KIRREL3: variants seen among roughly 807,000 people sequenced by gnomAD.
The protein encoded by KIRREL3 is kin of IRRE-like protein 3.
In KIRREL3, 36 loss-of-function variants were observed where a neutral mutation model predicts 89.7. The observed-to-expected ratio is 0.40, with a 90% CI of 0.31 to 0.53. The LOEUF is 0.53. Ranked by LOEUF, KIRREL3 falls within the 20% of genes least tolerant of loss-of-function variation. The pLI, the probability that KIRREL3 is intolerant of heterozygous loss-of-function variation, is 0.49. For synonymous variants in KIRREL3, 445 were observed against 441.4 expected (o/e 1.01, Z -0.10); for missense variants, 864 against 1,056.6 (o/e 0.82, Z 2.53).
At position 126,699,683 on chromosome 11, in the gene KIRREL3, C is replaced by T. The variant is rs537957365; in HGVS notation, c.56-136771G>A. Among the ~76,000 whole-genome samples the T allele has an allele frequency of 1.1e-3, 174 of 152,216 alleles. 3 individuals carry two copies. In the South Asian group the frequency reaches 0.026, roughly 23 times the overall value. On this transcript the variant is annotated intron_variant, in intron 1 of 16. Coordinates refer to ENST00000525144, the MANE Select transcript of KIRREL3 (RefSeq NM_032531.4). ...GTTTGAGCTGGCCATGCTTCAAATG[C>T]TCACTGCCACATGTGGCTAGTGATG...
rs1044104521 is a variant in KIRREL3, at chr11:126,965,182, A to G, written c.55+35273T>C. ...CTGGGGATGAGCAAAGGTCTACAGA[A>G]CAGTGTCTTAATTAACATTCCTGGT... On this transcript the variant is annotated intron_variant, in intron 1 of 16. Coordinates refer to ENST00000525144, the MANE Select transcript of KIRREL3 (RefSeq NM_032531.4). This position sits in a 1 kb window ranked among gnomAD's most constrained non-coding sequence, Gnocchi z 4.4. 6.6e-6 allele frequency among the ~76,000 whole-genome samples: 1 copy of G among 152,210 alleles called. No individual in the cohort carries two copies. The highest frequency in any genetic ancestry group is 2.4e-5 in the African/African-American group (1 of 41,464).
chr11:126,649,295 A>G (rs894782564), intron 1 of KIRREL3, among the ~76,000 whole-genome samples: 1 of 152,090 alleles, frequency 6.6e-6, no homozygotes, highest in Admixed American at 6.5e-5. Flanking sequence ...AGGTTCTCAT[A>G]TTTCAAAACC....
At chr11:126,662,042 G>A (rs1336253634) in intron 1 of KIRREL3, among the ~76,000 whole-genome samples, 2 of 152,094 alleles carry the variant, frequency 1.3e-5, no homozygotes, top group African/African-American at 4.8e-5. Flanking sequence ...GAGCCAAAAC[G>A]CCCATTGAGA....
Position 126,463,314 on chromosome 11 carries a change from A to G in KIRREL3, c.592-7T>C, listed in dbSNP as rs769138514. 1.2e-6 allele frequency: 2 copies of G among 1,611,324 alleles called. No individual in the cohort carries two copies. Among genetic ancestry groups the G allele is most frequent in the African/African-American group, 2.7e-5 (2 of 74,966 alleles). ...TGCCGTCCCGAAGCAGGGTCTTGGG[A>G]GAAAGGGAAAGGGGAGAGAAAGCTC... On this transcript the variant is annotated splice_region_variant and splice_polypyrimidine_tract_variant and intron_variant, in intron 5 of 16. Coordinates refer to ENST00000525144, the MANE Select transcript of KIRREL3 (RefSeq NM_032531.4). This position sits in a 1 kb window ranked among gnomAD's most constrained non-coding sequence, Gnocchi z 5.9.
rs1949823615 is a variant in KIRREL3, at chr11:126,985,091, A to G, written c.55+15364T>C. Reference sequence around the variant, plus strand: ...CTATACACATGCAAGGAAGGATTAAATTATTATCACCTTTTCCCCAAGGAG... The same window carrying G: ...CTATACACATGCAAGGAAGGATTAAGTTATTATCACCTTTTCCCCAAGGAG... On this transcript the variant is annotated intron_variant, in intron 1 of 16. Coordinates refer to ENST00000525144, the MANE Select transcript of KIRREL3 (RefSeq NM_032531.4). This position sits in a 1 kb window ranked among gnomAD's most constrained non-coding sequence, Gnocchi z 5.3. Among the ~76,000 whole-genome samples the G allele has an allele frequency of 6.6e-6, 1 of 152,190 alleles. No homozygotes were observed. Among genetic ancestry groups the G allele is most frequent in the Non-Finnish European group, 1.5e-5 (1 of 68,036 alleles).
chr11:126,958,403 G>C (rs1271692232), intron 1 of KIRREL3, among the ~76,000 whole-genome samples: 2 of 152,182 alleles, frequency 1.3e-5, no homozygotes, highest in African/African-American at 4.8e-5. Flanking sequence ...GCCCAGGGGG[G>C]CCCTTTCTCA....
At chr11:126,634,834 C>T (rs1427243) in intron 1 of KIRREL3, among the ~76,000 whole-genome samples, 30,385 of 152,074 alleles carry the variant, frequency 0.2, 3,177 homozygotes, top group East Asian at 0.4. Flanking sequence ...TGCGCCCTCT[C>T]GGAGGCCCTT....
At position 126,508,028 on chromosome 11, in the gene KIRREL3, G is replaced by C. The variant is rs557305737; in HGVS notation, c.433+13287C>G. Among the ~76,000 whole-genome samples, 1 of 152,314 alleles carries C rather than the reference G, an allele frequency of 6.6e-6. No individual in the cohort carries two copies. Among genetic ancestry groups the C allele is most frequent in the Non-Finnish European group, 1.5e-5 (1 of 68,018 alleles). On this transcript the variant is annotated intron_variant, in intron 4 of 16. Transcript: ENST00000525144. This position sits in a 1 kb window ranked among gnomAD's most constrained non-coding sequence, Gnocchi z 4.9. ...GAAGGGAGCAGTGGGATTGGGGGTAGGGCAGAGATAGTCCTTCCTGGGGGG... is the reference window on the plus strand; with the variant it reads ...GAAGGGAGCAGTGGGATTGGGGGTACGGCAGAGATAGTCCTTCCTGGGGGG...
At position 126,576,443 on chromosome 11, in the gene KIRREL3, C is replaced by T. The variant is rs1941259608; in HGVS notation, c.56-13531G>A. On this transcript the variant is annotated intron_variant, in intron 1 of 16. Transcript: ENST00000525144. The surrounding 1 kb of genome is among the most constrained non-coding windows in gnomAD (Gnocchi z 5.4). ...GTTATGGATATTGTGATGAACAAGA[C>T]AGAGAAGAATTTTTGCCTTCCCAAG... Among the ~76,000 whole-genome samples the T allele has an allele frequency of 6.6e-6, 1 of 152,214 alleles. No homozygotes were observed. The highest frequency in any genetic ancestry group is 6.5e-5 in the Admixed American group (1 of 15,278).
intron 1 of KIRREL3, among the ~76,000 whole-genome samples, chr11:126,671,235 CTTTTT>C (rs141912968): frequency 7.3e-6 from 1 of 136,340 alleles, no homozygotes; most frequent in Non-Finnish European, 1.6e-5. Flanking sequence ...AGTTTTTCTC[CTTTTT>C]TTTTTTTTTT....
intron 1 of KIRREL3, among the ~76,000 whole-genome samples, chr11:126,657,042 T>G (rs1286100542): frequency 1.3e-4 from 19 of 151,122 alleles, no homozygotes; most frequent in Non-Finnish European, 1.5e-5. Context: ...GGCAATGGAG[T>G]GAGACTGTGT....
Position 126,610,224 on chromosome 11 carries a change from G to T in KIRREL3, c.56-47312C>A, listed in dbSNP as rs1450935284. On this transcript the variant is annotated intron_variant, in intron 1 of 16. Coordinates refer to ENST00000525144, the MANE Select transcript of KIRREL3 (RefSeq NM_032531.4). The surrounding 1 kb of genome is among the most constrained non-coding windows in gnomAD (Gnocchi z 4.6). Reference sequence around the variant, plus strand: ...TCCTGCCTCAGCCTGCCGAGTGGCTGGGATTACAGGCATGCACCACCACGC... The same window carrying T: ...TCCTGCCTCAGCCTGCCGAGTGGCTTGGATTACAGGCATGCACCACCACGC... 6.6e-6 allele frequency among the ~76,000 whole-genome samples: 1 copy of T among 152,094 alleles called. No individual in the cohort carries two copies. The highest frequency in any genetic ancestry group is 6.6e-5 in the Admixed American group (1 of 15,258).
intron 5 of KIRREL3, among the ~76,000 whole-genome samples, chr11:126,468,586 G>A (rs546186916): frequency 6.6e-6 from 1 of 152,368 alleles, no homozygotes; most frequent in South Asian, 2.1e-4. Context: ...GTCCCATGGT[G>A]GAGTCACAGA....
At chr11:126,600,966 C>G (rs935739870) in intron 1 of KIRREL3, among the ~76,000 whole-genome samples, 2 of 152,184 alleles carry the variant, frequency 1.3e-5, no homozygotes, top group African/African-American at 4.8e-5. Flanking sequence ...TCTCTCACCC[C>G]TCCACGGATC....
At chr11:126,445,978 G>C (rs4313595) in intron 9 of KIRREL3, among the ~76,000 whole-genome samples, 39,752 of 151,896 alleles carry the variant, frequency 0.26, 5,441 homozygotes, top group Middle Eastern at 0.28. Flanking sequence ...GAGAAACCCT[G>C]TCTCTACTAA....
chr11:126,487,933 G>A (rs1957410587), intron 4 of KIRREL3, among the ~76,000 whole-genome samples: 1 of 152,258 alleles, frequency 6.6e-6, no homozygotes, highest in African/African-American at 2.4e-5. Flanking sequence ...TAGCACCGCA[G>A]CTTCCACTAC....
chr11:126,767,013 G>T (rs1356137935), intron 1 of KIRREL3, among the ~76,000 whole-genome samples: 1 of 152,172 alleles, frequency 6.6e-6, no homozygotes, highest in Non-Finnish European at 1.5e-5. Context: ...GCTCTTTGTG[G>T]GTAAGAGGGC....
Position 126,678,599 on chromosome 11 carries a change from C to CAAAAAAAAAAAAAA in KIRREL3, c.56-115701_56-115688dup, listed in dbSNP as rs59342253. ...TGGGCGATAGAGCAAGACTCTGTCT[C>CAAAAAAAAAAAAAA]AAAAAAAAAAAAAAAAAAAAAAAAA... On this transcript the variant is annotated intron_variant, in intron 1 of 16. Coordinates refer to ENST00000525144, the MANE Select transcript of KIRREL3 (RefSeq NM_032531.4). 3.7e-3 allele frequency among the ~76,000 whole-genome samples: 183 copies of CAAAAAAAAAAAAAA among 50,048 alleles called. 24 individuals are homozygous for CAAAAAAAAAAAAAA. Among genetic ancestry groups the CAAAAAAAAAAAAAA allele is most frequent in the African/African-American group, 6.6e-3 (81 of 12,226 alleles). 32.8% of individuals were successfully genotyped at this position (50,048 alleles called of 152,430 possible).
At position 126,776,263 on chromosome 11, in the gene KIRREL3, C is replaced by A. The variant is rs1271542644; in HGVS notation, c.56-213351G>T. Among the ~76,000 whole-genome samples, 3 of 152,172 alleles carry A rather than the reference C, an allele frequency of 2.0e-5. No homozygotes were observed. Among genetic ancestry groups the A allele is most frequent in the Admixed American group, 6.5e-5 (1 of 15,282 alleles). ...TTCATGCTCTTTGAACAGGGAGGAGCTGGAGGACTTGGAAGGGAATGTGTG... is the reference window on the plus strand; with the variant it reads ...TTCATGCTCTTTGAACAGGGAGGAGATGGAGGACTTGGAAGGGAATGTGTG... On this transcript the variant is annotated intron_variant, in intron 1 of 16. Transcript: ENST00000525144. This position sits in a 1 kb window ranked among gnomAD's most constrained non-coding sequence, Gnocchi z 4.7.
Sources: gnomAD v4.1 joint callset for allele counts (sites outside exome capture counted in the v4.1 genomes callset) on GRCh38, gnomAD v4.1.1 for gene constraint, Gnocchi (gnomAD v3.1) non-coding constraint, MANE v1.5 for transcripts, NCBI Gene and HGNC (gene_info 2026-07-23, HGNC 2026-07-21) for gene names.